Variants in ZNF804B observed in about 807,000 individuals in gnomAD.
The protein encoded by ZNF804B is zinc finger protein 804B.
A neutral mutation model predicts 101.4 loss-of-function variants in ZNF804B; 80 were observed. The ratio of observed to expected loss-of-function variants is 0.79; its 90% confidence interval spans 0.66 to 0.95. The LOEUF (loss-of-function observed/expected upper bound fraction) is 0.95. ZNF804B is among the 40% of genes least tolerant of loss of function. ZNF804B has a pLI of 0.00. For missense variants in ZNF804B, 1,673 were observed against 1,561.9 expected (o/e 1.07, Z -1.20); for synonymous variants, 622 against 558.8 (o/e 1.11, Z -1.59).
intron 1 of ZNF804B, among the ~76,000 whole-genome samples, chr7:88,953,844 T>G (rs1793260896): frequency 6.6e-6 from 1 of 151,806 alleles, no homozygotes; most frequent in South Asian, 2.1e-4. Flanking sequence ...CACATAATTT[T>G]TATTGATTGC....
At chr7:89,020,993 A>G (rs191829146) in intron 1 of ZNF804B, among the ~76,000 whole-genome samples, 29 of 152,258 alleles carry the variant, frequency 1.9e-4, no homozygotes, top group Non-Finnish European at 3.7e-4. Flanking sequence ...CTAGAAAATT[A>G]CTGTGTTCTT....
intron 1 of ZNF804B, among the ~76,000 whole-genome samples, chr7:88,877,623 AC>A (rs1371297075): frequency 2.6e-5 from 4 of 152,078 alleles, no homozygotes; most frequent in Non-Finnish European, 5.9e-5. Flanking sequence ...TAGCTTCCCC[AC>A]CCAGTTTCAG....
chr7:88,778,856 A>G (rs1355430589), intron 1 of ZNF804B, among the ~76,000 whole-genome samples: 1 of 152,184 alleles, frequency 6.6e-6, no homozygotes, highest in Non-Finnish European at 1.5e-5. Context: ...GTCTGCTCCA[A>G]TGGAATGTGC....
At chr7:89,133,629 C>T (rs945798760) in intron 1 of ZNF804B, among the ~76,000 whole-genome samples, 3 of 151,996 alleles carry the variant, frequency 2.0e-5, no homozygotes, top group African/African-American at 7.2e-5. Context: ...TAAGAAATAA[C>T]AAAGTTGTCC....
chr7:88,932,804 A>G (rs781536579), intron 1 of ZNF804B, among the ~76,000 whole-genome samples: 1 of 151,820 alleles, frequency 6.6e-6, no homozygotes, highest in Non-Finnish European at 1.5e-5. Context: ...TCACAGATGA[A>G]TTCTATCAGA....
chr7:89,144,055 A>T (rs111939927), intron 1 of ZNF804B, among the ~76,000 whole-genome samples: 2,396 of 152,112 alleles, frequency 0.016, 49 homozygotes, highest in African/African-American at 0.054. Context: ...AATGAAAAAA[A>T]GTAGATATTT....
At chr7:89,010,854 A>C (rs1373065525) in intron 1 of ZNF804B, among the ~76,000 whole-genome samples, 1 of 152,202 alleles carries the variant, frequency 6.6e-6, no homozygotes, top group African/African-American at 2.4e-5. Flanking sequence ...TTTCTCCTAT[A>C]AAATCCTAGA....
At chr7:89,099,556 C>T (rs56377110) in intron 1 of ZNF804B, among the ~76,000 whole-genome samples, 3,460 of 152,140 alleles carry the variant, frequency 0.023, 157 homozygotes, top group African/African-American at 0.079. Context: ...TTCAGGTAGA[C>T]GGTGGGCTTC....
chr7:88,822,303 C>T (rs565940709), intron 1 of ZNF804B, among the ~76,000 whole-genome samples: 3 of 152,124 alleles, frequency 2.0e-5, no homozygotes, highest in African/African-American at 4.8e-5. Context: ...TACTCAACCT[C>T]GATTAACCTC....
intron 1 of ZNF804B, among the ~76,000 whole-genome samples, chr7:89,008,701 A>T (rs1788407847): frequency 6.6e-6 from 1 of 152,018 alleles, no homozygotes; most frequent in Admixed American, 6.6e-5. Context: ...AAATATTGAG[A>T]CCATCTGGCA....
At chr7:89,036,418 A>C (rs1192743805) in intron 1 of ZNF804B, among the ~76,000 whole-genome samples, 1 of 151,976 alleles carries the variant, frequency 6.6e-6, no homozygotes, top group Admixed American at 6.6e-5. Flanking sequence ...GTATTATGGT[A>C]AATAAAATTA....
chr7:88,954,102 GGT>G (rs1207178568), intron 1 of ZNF804B, among the ~76,000 whole-genome samples: 11 of 151,580 alleles, frequency 7.3e-5, no homozygotes, highest in African/African-American at 2.7e-4. Context: ...AAATACTTAT[GGT>G]TTAAACACTC....
chr7:89,253,518 C>T (rs933654850), intron 2 of ZNF804B, among the ~76,000 whole-genome samples: 6 of 152,028 alleles, frequency 3.9e-5, no homozygotes, highest in East Asian at 3.9e-4. Context: ...TTGATTTCAC[C>T]GAAACTGATT....
At chr7:89,174,671 A>G (rs557005198) in intron 1 of ZNF804B, among the ~76,000 whole-genome samples, 3 of 152,150 alleles carry the variant, frequency 2.0e-5, no homozygotes, top group East Asian at 1.9e-4. Context: ...AGGAACCTCC[A>G]TAGTACTCTC....
intron 2 of ZNF804B, among the ~76,000 whole-genome samples, chr7:89,297,744 T>C (rs1281262049): frequency 6.6e-6 from 1 of 152,008 alleles, no homozygotes; most frequent in Non-Finnish European, 1.5e-5. Context: ...GGATGTAATA[T>C]TTTTTCTAAC....
At chr7:89,272,847 C>T (rs540974989) in intron 2 of ZNF804B, among the ~76,000 whole-genome samples, 4 of 152,130 alleles carry the variant, frequency 2.6e-5, no homozygotes, top group African/African-American at 9.6e-5. Flanking sequence ...TTAGACAGAA[C>T]ATTGGAAAGG....
At chr7:88,883,233 T>C (rs530338502) in intron 1 of ZNF804B, among the ~76,000 whole-genome samples, 9 of 152,106 alleles carry the variant, frequency 5.9e-5, no homozygotes, top group Admixed American at 2.6e-4. Context: ...TGCCAGAGAT[T>C]TTGATCTCAT....
intron 1 of ZNF804B, among the ~76,000 whole-genome samples, chr7:89,164,029 A>G (rs1222507040): frequency 6.6e-6 from 1 of 151,762 alleles, no homozygotes; most frequent in Non-Finnish European, 1.5e-5. Context: ...TTTTTTCTAC[A>G]CCTAAATTAC....
At chr7:89,257,742 G>C (rs1789656140) in intron 2 of ZNF804B, among the ~76,000 whole-genome samples, 1 of 152,120 alleles carries the variant, frequency 6.6e-6, no homozygotes, top group Non-Finnish European at 1.5e-5. Flanking sequence ...CTAATAGGTA[G>C]TTGTTTTATT....
Sources: gnomAD v4.1 joint callset for allele counts (sites outside exome capture counted in the v4.1 genomes callset) on GRCh38, gnomAD v4.1.1 for gene constraint, MANE v1.5 for transcripts, NCBI Gene and HGNC (gene_info 2026-07-23, HGNC 2026-07-21) for gene names.